Variants in SPRED1 observed in about 807,000 individuals in gnomAD.
The protein encoded by SPRED1 is sprouty related EVH1 domain containing 1, also known as sprouty-related, EVH1 domain-containing protein 1.
SPRED1 carries 18 observed loss-of-function variants against 52.3 expected under a neutral mutation model. The observed-to-expected ratio is 0.34, with a 90% CI of 0.24 to 0.51. The LOEUF (loss-of-function observed/expected upper bound fraction) is 0.51, where lower values mean the gene tolerates loss of function less well. Ranked by LOEUF, SPRED1 falls within the 20% of genes least tolerant of loss-of-function variation. The pLI, the probability that SPRED1 is intolerant of heterozygous loss-of-function variation, is 0.97. For synonymous variants in SPRED1, 155 were observed against 179.7 expected, an observed-to-expected ratio of 0.86 and a Z score of 1.10; for missense variants, 485 against 551.0, an observed-to-expected ratio of 0.88 and a Z score of 1.20.
At chr15:38,259,030 A>T (rs1296275308) in intron 1 of SPRED1, among the ~76,000 whole-genome samples, 1 of 152,214 alleles carries the variant, frequency 6.6e-6, no homozygotes, top group Non-Finnish European at 1.5e-5. Flanking sequence ...TATGATTTAG[A>T]CTTTGTTAAT....
chr15:38,300,878 A>G (rs553174796), intron 2 of SPRED1, among the ~76,000 whole-genome samples: 4 of 152,282 alleles, frequency 2.6e-5, no homozygotes, highest in Non-Finnish European at 5.9e-5. Context: ...ATGATGGTAT[A>G]ATGCTTCTGG....
At chr15:38,261,995 A>C (rs1190148208) in intron 1 of SPRED1, among the ~76,000 whole-genome samples, 1 of 61,682 alleles carries the variant, frequency 1.6e-5, no homozygotes, top group Non-Finnish European at 3.4e-5. Context: ...CAGTCACCAA[A>C]CTCTTTTTTT....
At chr15:38,346,633 A>C (rs1398400478) in intron 5 of SPRED1, among the ~76,000 whole-genome samples, 1 of 152,056 alleles carries the variant, frequency 6.6e-6, no homozygotes, top group Admixed American at 6.6e-5. Context: ...TAGTTCTAAA[A>C]CTTGTTTCTT....
intron 5 of SPRED1, among the ~76,000 whole-genome samples, chr15:38,343,897 T>C (rs1896078896): frequency 6.6e-6 from 1 of 152,150 alleles, no homozygotes; most frequent in Non-Finnish European, 1.5e-5. Context: ...GTAGTTTATG[T>C]ATGTTATCCA....
Position 38,324,770 on chromosome 15 carries a change from C to A in SPRED1, c.384C>A (p.Pro128=). Residue 128 remains proline (P), a synonymous_variant, in exon 4 of 7, where the codon CCC becomes CCA. Coordinates refer to ENST00000299084, the MANE Select transcript of SPRED1 (RefSeq NM_152594.3). The part of the protein sequence containing the change: ...RAIEDISQGC[P]ESKNEAEGAD... Reference sequence around the variant, plus strand: ...TTTTATCTATTTTCTTAGGATGCCCCGAATCAAAAAATGAAGCTGAAGGGG... The same window carrying A: ...TTTTATCTATTTTCTTAGGATGCCCAGAATCAAAAAATGAAGCTGAAGGGG... The A allele has an allele frequency of 6.2e-7, 1 of 1,608,758 alleles. No individual in the cohort carries two copies. Among genetic ancestry groups the A allele is most frequent in the East Asian group, 2.2e-5 (1 of 44,668 alleles).
rs532084025 is a variant in SPRED1, at chr15:38,354,166, T to G, written c.*2502T>G. On this transcript the variant is annotated 3_prime_UTR_variant, in exon 7 of 7. Transcript: ENST00000299084. Reference sequence around the variant, plus strand: ...GAATCCCTATATGGAAATTTTCTTTTGAGTAAATGAGAATTCCTTTGTGAA... The same window carrying G: ...GAATCCCTATATGGAAATTTTCTTTGGAGTAAATGAGAATTCCTTTGTGAA... 1 of 152,424 alleles carries G rather than the reference T, an allele frequency of 6.6e-6. No homozygotes were observed. Among genetic ancestry groups the G allele is most frequent in the South Asian group, 2.1e-4 (1 of 4,830 alleles). 9.4% of individuals were successfully genotyped at this position (152,424 alleles called of 1,614,324 possible). A position where few individuals can be genotyped will look rare whatever the true frequency, so the allele number is the denominator to read the frequency against.
At chr15:38,262,450 A>G (rs1318718505) in intron 1 of SPRED1, among the ~76,000 whole-genome samples, 1 of 152,206 alleles carries the variant, frequency 6.6e-6, no homozygotes, top group Non-Finnish European at 1.5e-5. Flanking sequence ...TTTAAGAGTC[A>G]GCCATGAATG....
At chr15:38,311,605 AC>A (rs1895368844) in intron 2 of SPRED1, among the ~76,000 whole-genome samples, 1 of 152,178 alleles carries the variant, frequency 6.6e-6, no homozygotes, top group African/African-American at 2.4e-5. Flanking sequence ...TAATTGTTAT[AC>A]GACTATTCAG....
rs1049900415 is a variant in SPRED1, at chr15:38,354,365, A to C, written c.*2701A>C. 2 of 152,224 alleles carry C rather than the reference A, an allele frequency of 1.3e-5. No individual in the cohort carries two copies. Among genetic ancestry groups the C allele is most frequent in the Admixed American group, 1.3e-4 (2 of 15,292 alleles). 9.4% of individuals were successfully genotyped at this position (152,224 alleles called of 1,614,324 possible). A position where few individuals can be genotyped will look rare whatever the true frequency, so the allele number is the denominator to read the frequency against. On this transcript the variant is annotated 3_prime_UTR_variant, in exon 7 of 7. Coordinates refer to ENST00000299084, the MANE Select transcript of SPRED1 (RefSeq NM_152594.3). ...TCAAGACAACTGCTTGAGTAATAGT[A>C]TTGAAAATGGAATCATCTAGACGGC... is the stretch of plus-strand genomic sequence containing the variant.
intron 1 of SPRED1, among the ~76,000 whole-genome samples, chr15:38,283,151 T>G (rs1894728661): frequency 6.6e-6 from 1 of 152,080 alleles, no homozygotes; most frequent in Admixed American, 6.5e-5. Context: ...CTTACAGTCA[T>G]GACAGAAGGC....
At chr15:38,268,788 C>T (rs1382995943) in intron 1 of SPRED1, among the ~76,000 whole-genome samples, 2 of 152,150 alleles carry the variant, frequency 1.3e-5, no homozygotes, top group African/African-American at 2.4e-5. Context: ...ACCTTGTTTT[C>T]TAAGTTTTTA....
At chr15:38,268,344 A>T (rs1248132713) in intron 1 of SPRED1, 1 of 152,262 alleles carries the variant, frequency 6.6e-6, no homozygotes, top group Non-Finnish European at 1.5e-5. Context: ...AGAGGAGAAC[A>T]ACATCCCAAA....
intron 2 of SPRED1, among the ~76,000 whole-genome samples, chr15:38,301,625 C>G (rs979892648): frequency 6.6e-6 from 1 of 152,106 alleles, no homozygotes; most frequent in African/African-American, 2.4e-5. Flanking sequence ...ATAGCGAAGT[C>G]TTGTGAAATC....
rs1566876760 is a variant in SPRED1, at chr15:38,351,191, A to G, written c.862A>G (p.Lys288Glu). 1.9e-6 allele frequency: 3 copies of G among 1,614,144 alleles called. No homozygotes were observed. Among genetic ancestry groups the G allele is most frequent in the Non-Finnish European group, 2.5e-6 (3 of 1,180,016 alleles). ...TATTCAGTTTTCTAAACCAGACAGT[A>G]AAAAATCAGACTATCTGTACTCTTG... Reference protein sequence around the residue: ...SSIQFSKPDSKKSDYLYSCGD... With the variant: ...SSIQFSKPDSEKSDYLYSCGD... The change falls in exon 7 of 7, where the codon AAA becomes GAA. Residue 288 changes from lysine to glutamate, a missense_variant. This residue lies in a region of SPRED1 where 205 missense variants were observed against 245.2 expected (regional missense o/e 0.84). Transcript: ENST00000299084.
At position 38,355,317 on chromosome 15, in the gene SPRED1, C is replaced by G. The variant is rs1888593772; in HGVS notation, c.*3653C>G. The stretch of plus-strand genomic sequence containing the variant: ...AAAATCTAAAGGGAAAAACTTGAAA[C>G]TACCTATTTTCATTGGTTATTCAGC... On this transcript the variant is annotated 3_prime_UTR_variant, in exon 7 of 7. Transcript: ENST00000299084. 2 of 152,276 alleles carry G rather than the reference C, an allele frequency of 1.3e-5. No individual in the cohort carries two copies. Among genetic ancestry groups the G allele is most frequent in the African/African-American group, 4.8e-5 (2 of 41,450 alleles). The allele number at this position is 152,276 out of a possible 1,614,324, so 9.4% of individuals were successfully genotyped here.
Position 38,356,824 on chromosome 15 carries a change from A to C in SPRED1, c.*5160A>C, listed in dbSNP as rs961981285. Reference sequence around the variant, plus strand: ...CAAAAATAACGAATAATCTAAAGGAAAGGTTATTAGGACAGTAATAAAAAA... The same window carrying C: ...CAAAAATAACGAATAATCTAAAGGACAGGTTATTAGGACAGTAATAAAAAA... On this transcript the variant is annotated 3_prime_UTR_variant, in exon 7 of 7. Coordinates refer to ENST00000299084, the MANE Select transcript of SPRED1 (RefSeq NM_152594.3). The C allele has an allele frequency of 6.6e-6, 1 of 152,106 alleles. No homozygotes were observed. The highest frequency in any genetic ancestry group is 2.4e-5 in the African/African-American group (1 of 41,444). 9.4% of individuals were successfully genotyped at this position (152,106 alleles called of 1,614,324 possible).
intron 1 of SPRED1, among the ~76,000 whole-genome samples, chr15:38,297,691 C>CCTAT (rs10691736): frequency 0.97 from 147,930 of 152,106 alleles, 72,044 homozygotes; most frequent in East Asian, 1. Context: ...TTTCCCAGAT[C>CCTAT]CTGATTTTGA....
At chr15:38,341,646 G>C (rs4924240) in intron 5 of SPRED1, among the ~76,000 whole-genome samples, 125,191 of 152,036 alleles carry the variant, frequency 0.82, 52,347 homozygotes, top group Non-Finnish European at 0.9. Context: ...TCAGAAACGG[G>C]TTGTTTCATT....
At chr15:38,263,838 T>A (rs1894251205) in intron 1 of SPRED1, among the ~76,000 whole-genome samples, 1 of 152,108 alleles carries the variant, frequency 6.6e-6, no homozygotes, top group African/African-American at 2.4e-5. Flanking sequence ...AAAAAAAATC[T>A]CATAATGTTA....
Sources: allele counts gnomAD v4.1 joint callset (sites outside exome capture counted in the v4.1 genomes callset), GRCh38; gene constraint gnomAD v4.1.1; regional missense constraint gnomAD v4.1.1; transcripts MANE v1.5; gene names NCBI Gene and HGNC (gene_info 2026-07-23, HGNC 2026-07-21).